FAM117B: variants seen among roughly 807,000 people sequenced by gnomAD.
The protein encoded by FAM117B is protein FAM117B.
FAM117B carries 22 observed loss-of-function variants against 52.8 expected under a neutral mutation model. The ratio of observed to expected loss-of-function variants is 0.42; its 90% CI spans 0.30 to 0.59. The LOEUF is 0.59. FAM117B is among the 20% of genes least tolerant of loss of function. FAM117B has a pLI of 0.22. For synonymous variants in FAM117B, 309 were observed against 324.1 expected, an observed-to-expected ratio of 0.95 and a Z score of 0.50; for missense variants, 678 against 802.6, an observed-to-expected ratio of 0.84 and a Z score of 1.88.
At chr2:202,714,602 G>A (rs1416584586) in intron 2 of FAM117B, among the ~76,000 whole-genome samples, 1 of 146,134 alleles carries the variant, frequency 6.8e-6, no homozygotes, top group East Asian at 2.0e-4. Context: ...AGGGTCATAG[G>A]ACAATAGTGG....
chr2:202,716,398 G>A (rs1019640201), intron 2 of FAM117B, among the ~76,000 whole-genome samples: 1 of 152,050 alleles, frequency 6.6e-6, no homozygotes, highest in East Asian at 1.9e-4. Flanking sequence ...ATTGATGAGT[G>A]AAGACTTACT....
At chr2:202,762,429 A>G (rs1691904642) in intron 7 of FAM117B, among the ~76,000 whole-genome samples, 1 of 152,194 alleles carries the variant, frequency 6.6e-6, no homozygotes, top group Admixed American at 6.6e-5. Flanking sequence ...TTTTTAATGA[A>G]GTTGAATATA....
At chr2:202,761,244 G>A (rs1198259571) in intron 7 of FAM117B, among the ~76,000 whole-genome samples, 2 of 152,228 alleles carry the variant, frequency 1.3e-5, no homozygotes, top group African/African-American at 4.8e-5. Context: ...ATTTGCCTAA[G>A]TGCTAAATGT....
rs1358404767 is a variant in FAM117B at position 202,740,173 on chromosome 2, C to CAAAAAAAAAAAAA, written c.960+13810_960+13811insAAAAAAAAAAAAA. 4.4e-4 allele frequency among the ~76,000 whole-genome samples: 31 copies of CAAAAAAAAAAAAA among 69,684 alleles called. 12 individuals are homozygous for CAAAAAAAAAAAAA. Among genetic ancestry groups the CAAAAAAAAAAAAA allele is most frequent in the East Asian group, 1.7e-3 (4 of 2,420 alleles). 45.7% of individuals were successfully genotyped at this position (69,684 alleles called of 152,430 possible). ...GGAGGACAGAGCGAGACTTCATCCC[C>CAAAAAAAAAAAAA]CAAAAAAAAAAAAAAAAAAAAAAAA... is the stretch of plus-strand genomic sequence containing the variant. On this transcript the variant is annotated intron_variant, in intron 4 of 7. Transcript: ENST00000392238.
At chr2:202,764,128 T>G (rs55705277) in intron 7 of FAM117B, among the ~76,000 whole-genome samples, 1 of 152,212 alleles carries the variant, frequency 6.6e-6, no homozygotes, top group Non-Finnish European at 1.5e-5. Context: ...AAGCTAGTTA[T>G]GTTGAAACAC....
intron 2 of FAM117B, among the ~76,000 whole-genome samples, chr2:202,710,459 T>C (rs1444784727): frequency 6.6e-6 from 1 of 152,156 alleles, no homozygotes; most frequent in Non-Finnish European, 1.5e-5. Context: ...AGCTGAGATA[T>C]TCTGATATTT....
intron 1 of FAM117B, among the ~76,000 whole-genome samples, chr2:202,648,383 G>A (rs1360754802): frequency 1.3e-5 from 2 of 151,892 alleles, no homozygotes; most frequent in African/African-American, 2.4e-5. Context: ...TATAGCGGTC[G>A]GTGTGCGCCT....
chr2:202,668,527 CAAA>C (rs373784165), intron 1 of FAM117B, among the ~76,000 whole-genome samples: 1 of 71,686 alleles, frequency 1.4e-5, no homozygotes, highest in Non-Finnish European at 2.8e-5. Context: ...GACTCTCTCT[CAAA>C]AAAAAAAAAA....
At chr2:202,662,865 A>C (rs750028911) in intron 1 of FAM117B, among the ~76,000 whole-genome samples, 1 of 152,094 alleles carries the variant, frequency 6.6e-6, no homozygotes, top group Non-Finnish European at 1.5e-5. Context: ...AGAAAAAAAG[A>C]AATGATAAAT....
chr2:202,649,455 C>T (rs1456198313), intron 1 of FAM117B, among the ~76,000 whole-genome samples: 1 of 152,220 alleles, frequency 6.6e-6, no homozygotes, highest in African/African-American at 2.4e-5. Flanking sequence ...TTTCCTCCCA[C>T]CCATCCTTTG....
chr2:202,698,135 G>C (rs964646894), intron 2 of FAM117B, among the ~76,000 whole-genome samples: 8 of 152,232 alleles, frequency 5.3e-5, no homozygotes, highest in African/African-American at 1.9e-4. Context: ...AAAGTGCTGG[G>C]ATTATAGGCG....
rs879425389 is a variant in FAM117B, at chr2:202,691,688, TGTGTGTGTGTGC to T, written c.602-4191_602-4180del. On this transcript the variant is annotated intron_variant, in intron 1 of 7. Transcript: ENST00000392238. Reference sequence around the variant, plus strand: ...GTGTGTGTGTGTGTGTGTGTGTGTGTGTGTGTGTGTGCGCGCGCGCCTCCCCACCCTGCCAGC... The same window carrying T: ...GTGTGTGTGTGTGTGTGTGTGTGTGTGCGCGCGCCTCCCCACCCTGCCAGC... 4.5e-3 allele frequency among the ~76,000 whole-genome samples: 674 copies of T among 149,798 alleles called. 9 individuals are homozygous for T. The highest frequency in any genetic ancestry group is 0.016 in the African/African-American group (637 of 40,250).
At chr2:202,647,242 T>A (rs186197057) in intron 1 of FAM117B, among the ~76,000 whole-genome samples, 1 of 152,240 alleles carries the variant, frequency 6.6e-6, no homozygotes, top group Non-Finnish European at 1.5e-5. Context: ...TAAAAAAATA[T>A]AGCTTAACAC....
intron 1 of FAM117B, among the ~76,000 whole-genome samples, chr2:202,688,433 AATTAT>A (rs1690576114): frequency 6.6e-6 from 1 of 152,162 alleles, no homozygotes; most frequent in African/African-American, 2.4e-5. Flanking sequence ...ACAAGAAGGT[AATTAT>A]ATTATACATA....
At chr2:202,670,585 G>A (rs1690283548) in intron 1 of FAM117B, among the ~76,000 whole-genome samples, 1 of 152,144 alleles carries the variant, frequency 6.6e-6, no homozygotes, top group Non-Finnish European at 1.5e-5. Context: ...TGGCCAAGGA[G>A]CATACTTTCT....
intron 1 of FAM117B, among the ~76,000 whole-genome samples, chr2:202,674,077 ACTT>A (rs1690341810): frequency 2.0e-5 from 3 of 151,684 alleles, no homozygotes; most frequent in Admixed American, 1.3e-4. Context: ...TACAGTACTT[ACTT>A]CTTCTGTTTC....
chr2:202,739,456 CTCCCTCCCTCGA>C, intron 4 of FAM117B, among the ~76,000 whole-genome samples: 1 of 146,216 alleles, frequency 6.8e-6, no homozygotes. Flanking sequence ...CCTCCCCTCC[CTCCCTCCCTCGA>C]TCCCTCCCTT....
chr2:202,748,325 C>A (rs543604133), intron 4 of FAM117B, among the ~76,000 whole-genome samples: 1 of 152,166 alleles, frequency 6.6e-6, no homozygotes, highest in East Asian at 1.9e-4. Context: ...AACTACAAAA[C>A]TCCTGGAAGA....
intron 1 of FAM117B, among the ~76,000 whole-genome samples, chr2:202,691,692 T>TGC (rs1180585889): frequency 7.3e-5 from 10 of 137,836 alleles, no homozygotes; most frequent in African/African-American, 1.4e-4. Context: ...TGTGTGTGTG[T>TGC]GTGTGTGCGC....
Sources: gnomAD v4.1 joint callset for allele counts (sites outside exome capture counted in the v4.1 genomes callset) on GRCh38, gnomAD v4.1.1 for gene constraint, MANE v1.5 for transcripts, NCBI Gene and HGNC (gene_info 2026-07-23, HGNC 2026-07-21) for gene names.